BABAM2: variants seen among roughly 807,000 people sequenced by gnomAD.
BABAM2 encodes the protein BRISC and BRCA1 A complex member 2.
Under a neutral mutation model 54.7 loss-of-function variants are expected in BABAM2, and 31 were observed. That is an observed-to-expected ratio of 0.57 (90% CI 0.43 to 0.77). The LOEUF is 0.77. BABAM2 is among the 30% of genes least tolerant of loss of function. BABAM2 has a pLI of 0.00. For synonymous variants in BABAM2, 167 were observed against 162.9 expected, an observed-to-expected ratio of 1.03 and a Z score of -0.19; for missense variants, 364 against 455.8, an observed-to-expected ratio of 0.80 and a Z score of 1.83.
At chr2:28,131,056 TTATTA>T (rs1292655433) in intron 7 of BABAM2, among the ~76,000 whole-genome samples, 1 of 11,320 alleles carries the variant, frequency 8.8e-5, no homozygotes, top group Non-Finnish European at 2.1e-4. Flanking sequence ...GAGTGTTTTA[TTATTA>T]TTATTATTAT....
At chr2:28,292,491 G>A (rs769285919) in intron 10 of BABAM2, among the ~76,000 whole-genome samples, 10 of 152,148 alleles carry the variant, frequency 6.6e-5, no homozygotes, top group South Asian at 4.1e-4. Flanking sequence ...GCCTTTGACT[G>A]CACGTATCAG....
At chr2:28,309,823 C>T (rs973575860) in intron 11 of BABAM2, 3 of 434,852 alleles carry the variant, frequency 6.9e-6, no homozygotes, top group African/African-American at 5.9e-5. Context: ...CCCAGGCCAA[C>T]ATAGCTCGGG....
chr2:28,159,086 C>T (rs934818456), intron 7 of BABAM2, among the ~76,000 whole-genome samples: 2 of 152,190 alleles, frequency 1.3e-5, no homozygotes, highest in African/African-American at 4.8e-5. Context: ...AGGGAATTCA[C>T]TTATTTCAAT....
intron 7 of BABAM2, among the ~76,000 whole-genome samples, chr2:28,141,915 T>C (rs1307736919): frequency 6.6e-6 from 1 of 152,202 alleles, no homozygotes; most frequent in Non-Finnish European, 1.5e-5. Flanking sequence ...GTAGAAGGTA[T>C]GTTATGTCCA....
At chr2:28,222,856 C>G (rs7592547) in intron 7 of BABAM2, among the ~76,000 whole-genome samples, 3,370 of 152,258 alleles carry the variant, frequency 0.022, 106 homozygotes, top group African/African-American at 0.077. Context: ...TCAGGCGCCT[C>G]AGTACAGGTT....
intron 4 of BABAM2, among the ~76,000 whole-genome samples, chr2:27,990,969 C>G (rs1672737604): frequency 6.6e-6 from 1 of 151,906 alleles, no homozygotes; most frequent in Non-Finnish European, 1.5e-5. Flanking sequence ...AACTCAGACT[C>G]TTCATTTAGG....
At chr2:28,276,987 A>T (rs1238559516) in intron 10 of BABAM2, among the ~76,000 whole-genome samples, 2 of 152,168 alleles carry the variant, frequency 1.3e-5, no homozygotes, top group Non-Finnish European at 2.9e-5. Context: ...TCTGAGGCGC[A>T]GGGCTCTGCT....
intron 2 of BABAM2, among the ~76,000 whole-genome samples, chr2:27,923,258 A>G (rs78936915): frequency 1.3e-3 from 205 of 152,338 alleles, no homozygotes; most frequent in African/African-American, 4.7e-3. Context: ...TAAAAGAAAA[A>G]GATAAAATCA....
chr2:27,989,158 G>A (rs750802810), intron 4 of BABAM2, among the ~76,000 whole-genome samples: 4 of 151,882 alleles, frequency 2.6e-5, no homozygotes, highest in Non-Finnish European at 5.9e-5. Flanking sequence ...TAGATGCTGT[G>A]TGTTACGTAT....
intron 2 of BABAM2, among the ~76,000 whole-genome samples, chr2:27,921,878 T>G (rs1667368971): frequency 6.6e-6 from 1 of 152,242 alleles, no homozygotes. Context: ...GAGGTGAGGA[T>G]GAGCACATCA....
chr2:28,138,302 T>C (rs1347241918), intron 7 of BABAM2, among the ~76,000 whole-genome samples: 1 of 152,054 alleles, frequency 6.6e-6, no homozygotes, highest in Admixed American at 6.5e-5. Flanking sequence ...TAAAAAGAAA[T>C]TGACACCTAG....
intron 10 of BABAM2, among the ~76,000 whole-genome samples, chr2:28,283,507 G>A (rs1417061507): frequency 2.0e-5 from 3 of 152,140 alleles, no homozygotes; most frequent in Non-Finnish European, 4.4e-5. Context: ...TAAACTTGGT[G>A]GCTGGTTCCC....
At chr2:27,977,152 T>C (rs1671662701) in intron 3 of BABAM2, among the ~76,000 whole-genome samples, 1 of 152,234 alleles carries the variant, frequency 6.6e-6, no homozygotes, top group Non-Finnish European at 1.5e-5. Flanking sequence ...ACAGCCTACA[T>C]TGCTGAGGCA....
At chr2:28,052,952 A>C (rs993047998) in intron 6 of BABAM2, among the ~76,000 whole-genome samples, 3 of 152,186 alleles carry the variant, frequency 2.0e-5, no homozygotes, top group African/African-American at 7.2e-5. Flanking sequence ...TTTGTGGATG[A>C]ATTCTTGCAT....
chr2:28,260,145 C>G lies in BABAM2; in HGVS notation c.934+15283C>G, dbSNP rs1684364650. 2.0e-5 allele frequency among the ~76,000 whole-genome samples: 3 copies of G among 152,086 alleles called. No homozygotes were observed. The South Asian group carries it at 6.2e-4, about 31-fold the overall frequency. ...TCTCCTTACCTCATGATCCACCCGC[C>G]TCGGCCTCCCAAAGTGCTGAGATTA... is the stretch of plus-strand genomic sequence containing the variant. On this transcript the variant is annotated intron_variant, in intron 10 of 11. Transcript: ENST00000379624.
chr2:28,256,876 G>A lies in BABAM2; in HGVS notation c.934+12014G>A, dbSNP rs551053430. 2.0e-5 allele frequency among the ~76,000 whole-genome samples: 3 copies of A among 151,936 alleles called. No individual in the cohort carries two copies. In the East Asian group the frequency reaches 5.8e-4, roughly 29 times the overall value. On this transcript the variant is annotated intron_variant, in intron 10 of 11. Transcript: ENST00000379624. Reference sequence around the variant, plus strand: ...CACCTGGCTAATTTTTGTATTTTTGGTAGAGATGGGGTTTCACCATGTTGG... The same window carrying A: ...CACCTGGCTAATTTTTGTATTTTTGATAGAGATGGGGTTTCACCATGTTGG...
chr2:28,317,185 TA>T (rs1689629697), intron 11 of BABAM2, among the ~76,000 whole-genome samples: 1 of 152,140 alleles, frequency 6.6e-6, no homozygotes, highest in South Asian at 2.1e-4. Flanking sequence ...CCGTCCCCAT[TA>T]GTGCCTCCTC....
At chr2:28,315,128 G>T (rs1286934296) in intron 11 of BABAM2, among the ~76,000 whole-genome samples, 1 of 128,894 alleles carries the variant, frequency 7.8e-6, no homozygotes, top group African/African-American at 2.6e-5. Context: ...GAAGGGAAGG[G>T]AGAGAAGGAG....
At chr2:28,117,035 T>C (rs1475692017) in intron 6 of BABAM2, among the ~76,000 whole-genome samples, 1 of 152,202 alleles carries the variant, frequency 6.6e-6, no homozygotes, top group African/African-American at 2.4e-5. Context: ...CCTTCATTGA[T>C]TGAAGAGGAG....
Sources: gnomAD v4.1 joint callset for allele counts (sites outside exome capture counted in the v4.1 genomes callset) on GRCh38, gnomAD v4.1.1 for gene constraint, MANE v1.5 for transcripts, NCBI Gene and HGNC (gene_info 2026-07-23, HGNC 2026-07-21) for gene names.